GRM7: variants seen among roughly 807,000 people sequenced by gnomAD.
GRM7 encodes the protein glutamate metabotropic receptor 7.
Under a neutral mutation model 84.5 loss-of-function variants are expected in GRM7, and 35 were observed. The ratio of observed to expected loss-of-function variants is 0.41; its 90% CI spans 0.32 to 0.55. The LOEUF is 0.55. Ranked by LOEUF, GRM7 falls within the 20% of genes least tolerant of loss-of-function variation. GRM7 has a pLI of 0.19. For missense variants in GRM7, 1,003 were observed against 1,194.6 expected (o/e 0.84, Z 2.36); for synonymous variants, 487 against 455.1 (o/e 1.07, Z -0.89).
intron 1 of GRM7, among the ~76,000 whole-genome samples, chr3:7,067,114 A>T (rs1395393961): frequency 6.6e-6 from 1 of 151,992 alleles, no homozygotes; most frequent in Non-Finnish European, 1.5e-5. Flanking sequence ...CTGGAACAAG[A>T]CAAGGATGCC....
chr3:7,356,720 G>C (rs141239934), intron 4 of GRM7, among the ~76,000 whole-genome samples: 1 of 152,192 alleles, frequency 6.6e-6, no homozygotes, highest in African/African-American at 2.4e-5. Flanking sequence ...TTGGCCTTTG[G>C]AATCTGGAAT....
chr3:6,965,550 G>A (rs1693482201), intron 1 of GRM7, among the ~76,000 whole-genome samples: 1 of 151,858 alleles, frequency 6.6e-6, no homozygotes, highest in South Asian at 2.1e-4. Flanking sequence ...GCCCAGGCTG[G>A]TCTTGCATTT....
chr3:7,308,262 C>CATCTT (rs35694569), intron 4 of GRM7, among the ~76,000 whole-genome samples: 100,609 of 151,420 alleles, frequency 0.66, 34,924 homozygotes, highest in African/African-American at 0.88. Flanking sequence ...TTGGGGGTCT[C>CATCTT]AGATGTTAAT....
chr3:7,243,606 T>G (rs1697645979), intron 2 of GRM7, among the ~76,000 whole-genome samples: 1 of 152,136 alleles, frequency 6.6e-6, no homozygotes, highest in Non-Finnish European at 1.5e-5. Context: ...CTCAGGAGAA[T>G]GTAGTTCATT....
At chr3:6,869,834 T>C (rs1218194102) in intron 1 of GRM7, among the ~76,000 whole-genome samples, 2 of 152,232 alleles carry the variant, frequency 1.3e-5, no homozygotes, top group African/African-American at 2.4e-5. Context: ...TTGAATTCCA[T>C]TGTGGACCCT....
chr3:7,150,075 G>GTC (rs1304025502), intron 2 of GRM7, among the ~76,000 whole-genome samples: 2 of 144,688 alleles, frequency 1.4e-5, no homozygotes, highest in Non-Finnish European at 3.1e-5. Flanking sequence ...ATATATGTGT[G>GTC]TGTGTGTGTG....
intron 1 of GRM7, among the ~76,000 whole-genome samples, chr3:6,929,004 T>A (rs1025786430): frequency 6.6e-5 from 10 of 152,156 alleles, no homozygotes; most frequent in Non-Finnish European, 1.2e-4. Flanking sequence ...GAGCTGAACA[T>A]TCCACCCACG....
intron 4 of GRM7, among the ~76,000 whole-genome samples, chr3:7,333,728 G>T (rs1000185645): frequency 2.6e-5 from 4 of 151,820 alleles, no homozygotes; most frequent in African/African-American, 9.7e-5. Flanking sequence ...ACAGGATGTG[G>T]ATGAAAAAGT....
At chr3:6,904,822 G>A (rs1360912012) in intron 1 of GRM7, among the ~76,000 whole-genome samples, 1 of 151,970 alleles carries the variant, frequency 6.6e-6, no homozygotes, top group Non-Finnish European at 1.5e-5. Flanking sequence ...CTGAGCTCAA[G>A]TTATCCTCCA....
chr3:7,466,310 C>G (rs772555958), intron 7 of GRM7, among the ~76,000 whole-genome samples: 11 of 152,118 alleles, frequency 7.2e-5, no homozygotes, highest in East Asian at 1.9e-4. Context: ...CAGACAGGCA[C>G]TGGTTTAGAG....
intron 2 of GRM7, among the ~76,000 whole-genome samples, chr3:7,270,280 T>G (rs1447893976): frequency 6.6e-6 from 1 of 152,152 alleles, no homozygotes; most frequent in Non-Finnish European, 1.5e-5. Context: ...AACACTTACA[T>G]GTTTGATGGT....
intron 8 of GRM7, among the ~76,000 whole-genome samples, chr3:7,604,189 G>C (rs973999885): frequency 1.3e-5 from 2 of 150,862 alleles, no homozygotes; most frequent in Non-Finnish European, 2.9e-5. Flanking sequence ...TTAGTATTAT[G>C]CTTATTACAG....
chr3:6,863,024 T>G lies in GRM7; in HGVS notation c.519+1117T>G, dbSNP rs1011196607. 1 of 455,602 alleles carries G rather than the reference T, an allele frequency of 2.2e-6. No individual in the cohort carries two copies. The allele number at this position is 455,602 out of a possible 1,614,324, so 28.2% of individuals were successfully genotyped here. On this transcript the variant is annotated intron_variant, in intron 1 of 9. Coordinates refer to ENST00000357716, the MANE Select transcript of GRM7 (RefSeq NM_000844.4). The surrounding 1 kb of genome is among the most constrained non-coding windows in gnomAD (Gnocchi z 4.8). ...TGGGTAGGAATGAGTGGCTTTGGGG[T>G]TTGGAAATTGAGTTTCAGGGTCTCT...
intron 8 of GRM7, among the ~76,000 whole-genome samples, chr3:7,658,164 TA>T (rs1358831672): frequency 6.6e-6 from 1 of 152,246 alleles, no homozygotes; most frequent in Non-Finnish European, 1.5e-5. Flanking sequence ...GTAAACACTC[TA>T]AAGTCTAAAT....
At chr3:7,475,123 CT>C (rs942940579) in intron 7 of GRM7, among the ~76,000 whole-genome samples, 3 of 152,122 alleles carry the variant, frequency 2.0e-5, no homozygotes, top group Non-Finnish European at 4.4e-5. Flanking sequence ...AAGTAACAAG[CT>C]TTGAACAAGG....
intron 4 of GRM7, among the ~76,000 whole-genome samples, chr3:7,350,617 G>A (rs1281295941): frequency 6.6e-6 from 1 of 152,040 alleles, no homozygotes; most frequent in African/African-American, 2.4e-5. Flanking sequence ...TTTCTTTATA[G>A]CAGTGTGAGA....
At chr3:7,330,646 T>G (rs1306423984) in intron 4 of GRM7, among the ~76,000 whole-genome samples, 1 of 152,196 alleles carries the variant, frequency 6.6e-6, no homozygotes, top group Non-Finnish European at 1.5e-5. Flanking sequence ...CATTTGGCTG[T>G]CATTATCTCC....
chr3:7,024,493 T>C (rs7629851), intron 1 of GRM7, among the ~76,000 whole-genome samples: 45,292 of 152,124 alleles, frequency 0.3, 7,254 homozygotes, highest in South Asian at 0.4. Flanking sequence ...TAGGAGGTGG[T>C]GTTTGAACTG....
intron 7 of GRM7, among the ~76,000 whole-genome samples, chr3:7,497,365 T>C (rs551937465): frequency 6.6e-6 from 1 of 152,292 alleles, no homozygotes; most frequent in Admixed American, 6.5e-5. Context: ...CCACATATAC[T>C]TCTCTCATGG....
Sources: allele counts gnomAD v4.1 joint callset (sites outside exome capture counted in the v4.1 genomes callset), GRCh38; gene constraint gnomAD v4.1.1; non-coding constraint Gnocchi (gnomAD v3.1); transcripts MANE v1.5; gene names NCBI Gene and HGNC (gene_info 2026-07-23, HGNC 2026-07-21).